The following DLG2 variants were observed in gnomAD, a reference collection of about 807,000 sequenced individuals.
DLG2 encodes the protein discs large MAGUK scaffold protein 2, also known as disks large homolog 2.
A neutral mutation model predicts 132.5 loss-of-function variants in DLG2; 45 were observed. The observed-to-expected ratio is 0.34, with a 90% CI of 0.27 to 0.44. The LOEUF (loss-of-function observed/expected upper bound fraction) is 0.44. DLG2 is among the 20% of genes least tolerant of loss of function. DLG2 has a pLI of 1.00. For synonymous variants in DLG2, 424 were observed against 419.6 expected, an observed-to-expected ratio of 1.01 and a Z score of -0.13; for missense variants, 1,045 against 1,196.9, an observed-to-expected ratio of 0.87 and a Z score of 1.87.
intron 22 of DLG2, among the ~76,000 whole-genome samples, chr11:83,483,884 ATG>A (rs371194295): frequency 4.8e-4 from 73 of 152,256 alleles, no homozygotes; most frequent in African/African-American, 1.6e-3. Context: ...TCAAAGATAA[ATG>A]TTGGTTGGGT....
intron 6 of DLG2, among the ~76,000 whole-genome samples, chr11:84,962,834 A>G (rs1294421907): frequency 6.6e-6 from 1 of 152,234 alleles, no homozygotes; most frequent in East Asian, 1.9e-4. Context: ...AATGCTGCGT[A>G]TTCAAAGCTA....
At chr11:84,125,587 G>A (rs1281596453) in intron 9 of DLG2, among the ~76,000 whole-genome samples, 1 of 152,220 alleles carries the variant, frequency 6.6e-6, no homozygotes, top group African/African-American at 2.4e-5. Context: ...TCACAAGGCT[G>A]AAAGCCTAGA....
At chr11:85,095,567 C>T (rs1251066465) in intron 6 of DLG2, among the ~76,000 whole-genome samples, 1 of 152,126 alleles carries the variant, frequency 6.6e-6, no homozygotes, top group African/African-American at 2.4e-5. Flanking sequence ...AAATACTTTC[C>T]TTGACCTAGC....
intron 6 of DLG2, among the ~76,000 whole-genome samples, chr11:84,999,820 C>A (rs1187073421): frequency 1.3e-5 from 2 of 152,088 alleles, no homozygotes; most frequent in East Asian, 3.9e-4. Flanking sequence ...TTGCCTGGGG[C>A]TGAAAATTAG....
intron 1 of DLG2, 77 bp downstream of exon 1, chr11:85,627,141 G>C (rs2082076695): frequency 6.6e-6 from 1 of 152,162 alleles, no homozygotes; most frequent in Non-Finnish European, 1.5e-5. Flanking sequence ...AGATAGGTGA[G>C]TTTGAACAGT....
At chr11:84,907,798 G>A (rs1334614741) in intron 6 of DLG2, among the ~76,000 whole-genome samples, 2 of 152,136 alleles carry the variant, frequency 1.3e-5, no homozygotes, top group African/African-American at 2.4e-5. Context: ...GAGAAGAGTG[G>A]TCATGCACTT....
intron 7 of DLG2, among the ~76,000 whole-genome samples, chr11:84,325,757 C>G: frequency 6.6e-6 from 1 of 151,998 alleles, no homozygotes. Flanking sequence ...TAATGCTAGC[C>G]TTATAAAATG....
chr11:84,182,546 A>G (rs2096164703), intron 8 of DLG2, among the ~76,000 whole-genome samples: 1 of 150,646 alleles, frequency 6.6e-6, no homozygotes, highest in African/African-American at 2.5e-5. Context: ...AAAAAAAAAG[A>G]AAAAGAAAAA....
chr11:85,162,468 A>G (rs1367786696), intron 4 of DLG2, among the ~76,000 whole-genome samples: 1 of 152,240 alleles, frequency 6.6e-6, no homozygotes, highest in Non-Finnish European at 1.5e-5. Flanking sequence ...TAGTAGAAGA[A>G]GGTAGTCATC....
rs188869977 is a variant in DLG2 at position 84,962,947 on chromosome 11, C to T, written c.357+148714G>A. 2.1e-3 allele frequency among the ~76,000 whole-genome samples: 319 copies of T among 152,270 alleles called. 1 individual carries two copies. Among genetic ancestry groups the T allele is most frequent in the African/African-American group, 7.5e-3 (311 of 41,552 alleles). On this transcript the variant is annotated intron_variant, in intron 6 of 27. Transcript: ENST00000376104. ...TGCCTTATCAAGTTCTCATCTTTAA[C>T]AAACCCATAGGACTATCTTGAAGTA...
Position 85,598,776 on chromosome 11 carries a change from G to T in DLG2, c.-80C>A. 1 of 1,139,250 alleles carries T rather than the reference G, an allele frequency of 8.8e-7. No homozygotes were observed. The highest frequency in any genetic ancestry group is 1.2e-6 in the Non-Finnish European group (1 of 809,410). 70.6% of individuals were successfully genotyped at this position (1,139,250 alleles called of 1,614,324 possible). A position where few individuals can be genotyped will look rare whatever the true frequency, so the allele number is the denominator to read the frequency against. The stretch of plus-strand genomic sequence containing the variant: ...GCAGTATTCTTCCAGTAATGATAAA[G>T]CTCGGTCAGTATCTGAAAAACATGA... On this transcript the variant is annotated 5_prime_UTR_variant, in exon 3 of 28. Transcript: ENST00000376104.
In DLG2 at chr11:83,930,499, G is replaced by C. The variant is rs763082381; in HGVS notation, c.1341-16C>G. The C allele has an allele frequency of 9.3e-6, 15 of 1,612,462 alleles. No homozygotes were observed. In the East Asian group the frequency reaches 3.1e-4, roughly 34 times the overall value. On this transcript the variant is annotated splice_polypyrimidine_tract_variant and intron_variant, in intron 14 of 27. Transcript: ENST00000376104. Reference sequence around the variant, plus strand: ...TTCCGGAGGCCTGGTGATACAAGAGGAAGAGAAAGATATGCATGGTTAGTA... The same window carrying C: ...TTCCGGAGGCCTGGTGATACAAGAGCAAGAGAAAGATATGCATGGTTAGTA...
intron 6 of DLG2, among the ~76,000 whole-genome samples, chr11:84,973,499 G>A (rs1417111494): frequency 6.6e-6 from 1 of 152,094 alleles, no homozygotes; most frequent in Non-Finnish European, 1.5e-5. Context: ...ATGGGGTCAA[G>A]AATTGAAGAA....
chr11:85,068,147 T>C (rs751715872), intron 6 of DLG2, among the ~76,000 whole-genome samples: 1 of 152,106 alleles, frequency 6.6e-6, no homozygotes, highest in Non-Finnish European at 1.5e-5. Flanking sequence ...TGATGAGATG[T>C]ATCTCAAAAT....
At chr11:84,026,681 C>A (rs1321391615) in intron 11 of DLG2, among the ~76,000 whole-genome samples, 2 of 152,042 alleles carry the variant, frequency 1.3e-5, no homozygotes, top group African/African-American at 4.8e-5. Flanking sequence ...TAAATGAACA[C>A]ACTTAACCTT....
intron 15 of DLG2, among the ~76,000 whole-genome samples, chr11:83,881,544 A>C (rs1467490117): frequency 6.6e-6 from 1 of 152,172 alleles, no homozygotes; most frequent in East Asian, 1.9e-4. Context: ...CATTGATTAT[A>C]ATAAGGCATA....
At chr11:85,103,186 C>T (rs2071149740) in intron 6 of DLG2, among the ~76,000 whole-genome samples, 2 of 151,952 alleles carry the variant, frequency 1.3e-5, no homozygotes, top group African/African-American at 4.8e-5. Flanking sequence ...CAATATTCCT[C>T]AAATTGATGT....
intron 3 of DLG2, among the ~76,000 whole-genome samples, chr11:85,530,138 A>G (rs1221887000): frequency 6.6e-6 from 1 of 151,428 alleles, no homozygotes; most frequent in Admixed American, 6.6e-5. Context: ...CTGGAATTAC[A>G]GGCATACACC....
chr11:83,675,946 T>C (rs141808390), intron 18 of DLG2, among the ~76,000 whole-genome samples: 1 of 152,324 alleles, frequency 6.6e-6, no homozygotes, highest in East Asian at 1.9e-4. Flanking sequence ...CTAACTCTAG[T>C]AGACATTTGT....
Sources: gnomAD v4.1 joint callset for allele counts (sites outside exome capture counted in the v4.1 genomes callset) on GRCh38, gnomAD v4.1.1 for gene constraint, MANE v1.5 for transcripts, NCBI Gene and HGNC (gene_info 2026-07-23, HGNC 2026-07-21) for gene names.